Variants in KMT2C observed in about 807,000 individuals in gnomAD.
KMT2C encodes lysine methyltransferase 2C.
A neutral mutation model predicts 507.9 loss-of-function variants in KMT2C; 88 were observed. The observed-to-expected ratio is 0.17, with a 90% confidence interval of 0.15 to 0.21. The LOEUF is 0.21. Among genes scored for constraint, KMT2C ranks in the 10% least tolerant of loss-of-function variants. The probability of loss-of-function intolerance (pLI) is 1.00; values close to 1 mark genes in which losing one functional copy is unlikely to be tolerated. For missense variants in KMT2C, 4,954 were observed against 5,957.8 expected (o/e 0.83, Z 5.55); for synonymous variants, 2,049 against 2,080.8 (o/e 0.98, Z 0.42).
intron 2 of KMT2C, among the ~76,000 whole-genome samples, chr7:152,334,364 A>T (rs959013895): frequency 2.0e-5 from 3 of 152,190 alleles, no homozygotes; most frequent in African/African-American, 7.2e-5. Context: ...AGGCAGGAGA[A>T]TTGCTTGAAC....
chr7:152,309,050 AT>A (rs980826590), intron 6 of KMT2C, among the ~76,000 whole-genome samples: 7 of 152,234 alleles, frequency 4.6e-5, no homozygotes, highest in Admixed American at 2.0e-4. Flanking sequence ...AACTAAAAAA[AT>A]TTTTTTAATC....
intron 1 of KMT2C, among the ~76,000 whole-genome samples, chr7:152,415,011 A>G (rs1302689821): frequency 6.6e-6 from 1 of 151,624 alleles, no homozygotes; most frequent in Non-Finnish European, 1.5e-5. Flanking sequence ...ACATGCAGCT[A>G]ATTTTTTATT....
intron 1 of KMT2C, among the ~76,000 whole-genome samples, chr7:152,385,599 G>A (rs1318360761): frequency 9.8e-5 from 6 of 60,926 alleles, no homozygotes; most frequent in African/African-American, 1.3e-4. Context: ...GCGACAGAGC[G>A]AGACTCCGTC....
chr7:152,288,511 C>T (rs2096348199), intron 6 of KMT2C, among the ~76,000 whole-genome samples: 1 of 151,584 alleles, frequency 6.6e-6, no homozygotes, highest in African/African-American at 2.4e-5. Context: ...CCAGCCTGGG[C>T]AAAAGAGCAA....
At chr7:152,345,223 G>A (rs1013786879) in intron 2 of KMT2C, among the ~76,000 whole-genome samples, 7 of 151,932 alleles carry the variant, frequency 4.6e-5, no homozygotes, top group African/African-American at 9.7e-5. Context: ...GCAACACAGC[G>A]AGAACCCGTC....
At chr7:152,367,721 T>C (rs182716727) in intron 1 of KMT2C, 6 of 1,222,004 alleles carry the variant, frequency 4.9e-6, no homozygotes, top group African/African-American at 1.5e-5. Context: ...TGGATAATAG[T>C]AATTGCTGGC....
chr7:152,149,720 C>T (rs2091447919), intron 51 of KMT2C, among the ~76,000 whole-genome samples: 1 of 152,124 alleles, frequency 6.6e-6, no homozygotes, highest in East Asian at 1.9e-4. Context: ...CAGCTCTGAT[C>T]CGGCTGCTGA....
chr7:152,419,652 C>G lies in KMT2C; in HGVS notation c.161+15974G>C, dbSNP rs1043454955. Among the ~76,000 whole-genome samples, 91 of 152,134 alleles carry G rather than the reference C, an allele frequency of 6.0e-4. 1 individual carries two copies. Among genetic ancestry groups the G allele is most frequent in the Non-Finnish European group, 4.4e-5 (3 of 68,020 alleles). On this transcript the variant is annotated intron_variant, in intron 1 of 58. Coordinates refer to ENST00000262189, the MANE Select transcript of KMT2C (RefSeq NM_170606.3). ...TTGTTTACAGTTAATATTCAAAATG[C>G]CCAATTTACTTTCCCTTCCTCATTT...
chr7:152,388,129 A>T (rs1032086613), intron 1 of KMT2C, among the ~76,000 whole-genome samples: 2 of 102,342 alleles, frequency 2.0e-5, no homozygotes, highest in East Asian at 3.0e-4. Flanking sequence ...AAAATAAAAT[A>T]AAAAAATTGT....
intron 2 of KMT2C, among the ~76,000 whole-genome samples, chr7:152,338,263 T>A (rs2096957083): frequency 6.6e-6 from 1 of 152,222 alleles, no homozygotes; most frequent in East Asian, 1.9e-4. Context: ...CCCTCCGATC[T>A]ATGCTCCAGA....
intron 8 of KMT2C, 128 bp downstream of exon 8, chr7:152,264,910 G>T: frequency 9.0e-7 from 1 of 1,113,308 alleles, no homozygotes; most frequent in Non-Finnish European, 1.2e-6. Flanking sequence ...TTTTAAGTAT[G>T]ATGAAGTCAC....
rs768164087 is a variant in KMT2C, at chr7:152,315,109, T to C, written c.590+29A>G. 6.4e-6 allele frequency: 10 copies of C among 1,569,590 alleles called. No homozygotes were observed. The East Asian group carries it at 1.6e-4, about 25-fold the overall frequency. ...ATAAATTATATGCAGTCTTAATCTA[T>C]TCCAACATTTAAAGTCGAAACTGCT... is the stretch of plus-strand genomic sequence containing the variant. On this transcript the variant is annotated intron_variant, in intron 4 of 58. Coordinates refer to ENST00000262189, the MANE Select transcript of KMT2C (RefSeq NM_170606.3).
At chr7:152,311,521 C>A (rs774612584) in intron 5 of KMT2C, among the ~76,000 whole-genome samples, 14 of 151,986 alleles carry the variant, frequency 9.2e-5, no homozygotes, top group Non-Finnish European at 1.6e-4. Context: ...AAAATTTTCT[C>A]TTTTCTCAAT....
intron 2 of KMT2C, among the ~76,000 whole-genome samples, chr7:152,335,115 A>G (rs1402312606): frequency 6.6e-6 from 1 of 152,232 alleles, no homozygotes; most frequent in Non-Finnish European, 1.5e-5. Flanking sequence ...CTGTACCTAC[A>G]GAGCCTGTAG....
intron 6 of KMT2C, among the ~76,000 whole-genome samples, chr7:152,284,689 A>T (rs543673064): frequency 6.6e-6 from 1 of 152,162 alleles, no homozygotes; most frequent in Non-Finnish European, 1.5e-5. Context: ...TGTGAATAAT[A>T]TATAAAAAAA....
chr7:152,368,356 C>T (rs768708360), intron 1 of KMT2C: 3 of 1,149,360 alleles, frequency 2.6e-6, no homozygotes, highest in Non-Finnish European at 2.6e-6. Context: ...TAAGAGCCCT[C>T]TGGCACAAAT....
chr7:152,299,332 A>G lies in KMT2C; in HGVS notation c.849+10634T>C, dbSNP rs184082781. 8.8e-4 allele frequency among the ~76,000 whole-genome samples: 133 copies of G among 151,118 alleles called. 1 individual carries two copies. Among genetic ancestry groups the G allele is most frequent in the African/African-American group, 3.0e-3 (122 of 41,098 alleles). On this transcript the variant is annotated intron_variant, in intron 6 of 58. Transcript: ENST00000262189. ...ACTCTATCTCAAAAAATAAATAAAT[A>G]AATAAATAAATAAATAAATAAAGTA...
At chr7:152,416,439 G>T (rs2097736771) in intron 1 of KMT2C, among the ~76,000 whole-genome samples, 1 of 152,284 alleles carries the variant, frequency 6.6e-6, no homozygotes, top group African/African-American at 2.4e-5. Flanking sequence ...CAGCTACTCG[G>T]GAGGGAGGCT....
intron 2 of KMT2C, among the ~76,000 whole-genome samples, chr7:152,335,829 A>T (rs921449169): frequency 6.6e-6 from 1 of 152,222 alleles, no homozygotes; most frequent in Non-Finnish European, 1.5e-5. Flanking sequence ...CTGGTTGGCC[A>T]GTAGGTTTGC....
Sources: gnomAD v4.1 joint callset for allele counts (sites outside exome capture counted in the v4.1 genomes callset) on GRCh38, gnomAD v4.1.1 for gene constraint, MANE v1.5 for transcripts, NCBI Gene and HGNC (gene_info 2026-07-23, HGNC 2026-07-21) for gene names.